STAB2: variants seen among roughly 807,000 people sequenced by gnomAD.
STAB2 encodes the protein stabilin 2.
A neutral mutation model predicts 338.1 loss-of-function variants in STAB2; 288 were observed. That is an observed-to-expected ratio of 0.85 (90% confidence interval 0.77 to 0.94). The LOEUF (loss-of-function observed/expected upper bound fraction) is 0.94. STAB2 is among the 40% of genes least tolerant of loss of function. The probability of loss-of-function intolerance (pLI) is 0.00; values close to 1 mark genes in which losing one functional copy is unlikely to be tolerated. For synonymous variants in STAB2, 1,202 were observed against 1,193.3 expected (o/e 1.01, Z -0.15); for missense variants, 3,141 against 3,210.1 (o/e 0.98, Z 0.52).
chr12:103,614,388 AC>A (rs1383439180), intron 3 of STAB2, among the ~76,000 whole-genome samples: 5 of 152,212 alleles, frequency 3.3e-5, no homozygotes, highest in Non-Finnish European at 7.3e-5. Context: ...ATTGCAACAT[AC>A]CTGGTGGTAC....
chr12:103,626,545 G>A (rs761900478), intron 5 of STAB2, among the ~76,000 whole-genome samples: 1 of 152,212 alleles, frequency 6.6e-6, no homozygotes, highest in African/African-American at 2.4e-5. Flanking sequence ...ATCAATGGAA[G>A]TATTAAGTGA....
chr12:103,606,908 C>T (rs1000151980), intron 3 of STAB2, among the ~76,000 whole-genome samples: 4 of 152,198 alleles, frequency 2.6e-5, no homozygotes, highest in Non-Finnish European at 5.9e-5. Flanking sequence ...TGCTTGAACT[C>T]GGGAGGTGGA....
chr12:103,758,061 C>G lies in STAB2; in HGVS notation c.6988-109C>G, dbSNP rs1040889535. On this transcript the variant is annotated intron_variant, in intron 63 of 68. Coordinates refer to ENST00000388887, the MANE Select transcript of STAB2 (RefSeq NM_017564.10). The stretch of plus-strand genomic sequence containing the variant: ...GCAAAGGAGCAGCAGGCTGAGTTGG[C>G]TCACACCATGAATATTCACAGATGG... 3.0e-5 allele frequency: 46 copies of G among 1,510,806 alleles called. No individual in the cohort carries two copies. The African/African-American group carries it at 5.9e-4, about 19-fold the overall frequency. The allele number at this position is 1,510,806 out of a possible 1,614,324, so 93.6% of individuals were successfully genotyped here.
At chr12:103,753,405 G>A (rs1489651298) in intron 61 of STAB2, 52 bp downstream of exon 61, 3 of 1,611,586 alleles carry the variant, frequency 1.9e-6, no homozygotes. Flanking sequence ...AGGGGCGGAA[G>A]TGCAGCCCTT....
chr12:103,745,203 A>T lies in STAB2; in HGVS notation c.6062A>T (p.Asp2021Val), dbSNP rs903353170. 7.4e-6 allele frequency: 12 copies of T among 1,613,944 alleles called. No individual in the cohort carries two copies. The African/African-American group carries it at 1.6e-4, about 22-fold the overall frequency. Reference sequence around the variant, plus strand: ...GGCTGCTCAGACCACGGACAGTGCGATGATGGCATCACGGGCTCCGGGCAG... The same window carrying T: ...GGCTGCTCAGACCACGGACAGTGCGTTGATGGCATCACGGGCTCCGGGCAG... Reference protein sequence around the residue: ...PCGCSDHGQCDDGITGSGQCL... With the variant: ...PCGCSDHGQCVDGITGSGQCL... The change falls in exon 57 of 69, where the codon GAT becomes GTT. Residue 2021 changes from aspartate to valine, a missense_variant. Transcript: ENST00000388887.
At chr12:103,736,073 T>TC in intron 52 of STAB2, among the ~76,000 whole-genome samples, 1 of 152,320 alleles carries the variant, frequency 6.6e-6, no homozygotes, top group South Asian at 2.1e-4. Flanking sequence ...TTCCTGTAAT[T>TC]CCATATGATG....
Position 103,761,496 on chromosome 12 carries a change from CCT to C in STAB2, c.7359+88_7359+89del, listed in dbSNP as rs1884537624. On this transcript the variant is annotated intron_variant, in intron 66 of 68. Transcript: ENST00000388887. ...GGCAAACCATTACCAGAAGCCCTGT[CCT>C]CCTCCCTCTTCCTCCAGAGACTGGA... is the stretch of plus-strand genomic sequence containing the variant. 20 of 1,203,328 alleles carry C rather than the reference CCT, an allele frequency of 1.7e-5. No individual in the cohort carries two copies. In the East Asian group the frequency reaches 4.7e-4, roughly 28 times the overall value. The allele number at this position is 1,203,328 out of a possible 1,614,324, so 74.5% of individuals were successfully genotyped here. A position where few individuals can be genotyped will look rare whatever the true frequency, so the allele number is the denominator to read the frequency against.
chr12:103,610,286 G>A (rs1219198496), intron 3 of STAB2, among the ~76,000 whole-genome samples: 1 of 152,172 alleles, frequency 6.6e-6, no homozygotes, highest in African/African-American at 2.4e-5. Flanking sequence ...TCGTACCTCT[G>A]GTAGACTTCG....
intron 6 of STAB2, among the ~76,000 whole-genome samples, chr12:103,634,862 C>A (rs1018046236): frequency 6.6e-6 from 1 of 152,194 alleles, no homozygotes; most frequent in African/African-American, 2.4e-5. Context: ...GGAGAGGCAC[C>A]TGCTTATGAA....
intron 60 of STAB2, among the ~76,000 whole-genome samples, chr12:103,752,110 C>A (rs1883715435): frequency 6.6e-6 from 1 of 152,136 alleles, no homozygotes; most frequent in African/African-American, 2.4e-5. Flanking sequence ...CCCCATCCTA[C>A]AGAAATAATC....
intron 15 of STAB2, among the ~76,000 whole-genome samples, chr12:103,659,404 T>A (rs1874432980): frequency 1.3e-5 from 2 of 152,264 alleles, no homozygotes; most frequent in Non-Finnish European, 2.9e-5. Context: ...GACTTCACGC[T>A]GTTGCAACCT....
At chr12:103,691,025 C>G (rs1484699391) in intron 30 of STAB2, among the ~76,000 whole-genome samples, 1 of 152,200 alleles carries the variant, frequency 6.6e-6, no homozygotes, top group Non-Finnish European at 1.5e-5. Flanking sequence ...TGAGCACCTA[C>G]TACTATGTAC....
At chr12:103,614,054 T>C (rs1767868322) in intron 3 of STAB2, among the ~76,000 whole-genome samples, 1 of 152,242 alleles carries the variant, frequency 6.6e-6, no homozygotes, top group Admixed American at 6.5e-5. Context: ...ATAATAACTA[T>C]TTCTAAATCT....
At chr12:103,680,014 A>G (rs1396242048) in intron 25 of STAB2, among the ~76,000 whole-genome samples, 1 of 152,218 alleles carries the variant, frequency 6.6e-6, no homozygotes, top group African/African-American at 2.4e-5. Context: ...GCTAAGTGAA[A>G]TAAGCCAGAG....
intron 12 of STAB2, 36 bp downstream of exon 12, chr12:103,652,741 A>T: frequency 6.6e-7 from 1 of 1,518,448 alleles, no homozygotes; most frequent in Non-Finnish European, 8.8e-7. Flanking sequence ...CCAGAACTAA[A>T]TTATCCACCA....
At chr12:103,620,708 T>A (rs183983375) in intron 4 of STAB2, among the ~76,000 whole-genome samples, 155 bp downstream of exon 4, 8 of 152,282 alleles carry the variant, frequency 5.3e-5, no homozygotes, top group South Asian at 2.1e-4. Context: ...ATTAATTTTT[T>A]AAAAATGTGC....
In STAB2 at chr12:103,694,017, G is replaced by A. The variant is rs75056394; in HGVS notation, c.3375+1128G>A. Among the ~76,000 whole-genome samples the A allele has an allele frequency of 8.9e-3, 1,345 of 151,946 alleles. 19 individuals carry two copies. Among genetic ancestry groups the A allele is most frequent in the African/African-American group, 0.031 (1,287 of 41,444 alleles). ...AAAAAAAAAAAAGTACAAGATGGCTGTTAATTGATTCAGTTATCTGTGTAG... is the reference window on the plus strand; with the variant it reads ...AAAAAAAAAAAAGTACAAGATGGCTATTAATTGATTCAGTTATCTGTGTAG... On this transcript the variant is annotated intron_variant, in intron 31 of 68. Transcript: ENST00000388887.
chr12:103,667,471 G>A (rs921541078), intron 19 of STAB2, among the ~76,000 whole-genome samples: 1 of 152,188 alleles, frequency 6.6e-6, no homozygotes, highest in Non-Finnish European at 1.5e-5. Context: ...CAGCTGATGT[G>A]GCAGAACCAT....
At chr12:103,763,025 C>A (rs1884658546) in intron 67 of STAB2, among the ~76,000 whole-genome samples, 1 of 152,230 alleles carries the variant, frequency 6.6e-6, no homozygotes. Context: ...GGTGCAGAGC[C>A]CCCAAGCAGC....
Sources: gnomAD v4.1 joint callset for allele counts (sites outside exome capture counted in the v4.1 genomes callset) on GRCh38, gnomAD v4.1.1 for gene constraint, MANE v1.5 for transcripts, NCBI Gene and HGNC (gene_info 2026-07-23, HGNC 2026-07-21) for gene names.